JMJD1C: variants seen among roughly 807,000 people sequenced by gnomAD.
JMJD1C encodes jumonji domain-containing protein 1C.
Under a neutral mutation model 245.3 loss-of-function variants are expected in JMJD1C, and 31 were observed. The observed-to-expected ratio is 0.13, with a 90% CI of 0.09 to 0.17. The LOEUF is 0.17. Ranked by LOEUF, JMJD1C falls within the 10% of genes least tolerant of loss-of-function variation. The pLI is 1.00. For missense variants in JMJD1C, 2,691 were observed against 3,000.2 expected (o/e 0.90, Z 2.41); for synonymous variants, 1,057 against 1,017.4 (o/e 1.04, Z -0.74).
intron 1 of JMJD1C, among the ~76,000 whole-genome samples, chr10:63,403,207 C>T (rs973822186): frequency 2.0e-5 from 3 of 152,134 alleles, no homozygotes; most frequent in Admixed American, 1.3e-4. Flanking sequence ...AGTCATCCTA[C>T]CACTCAAATG....
intron 2 of JMJD1C, among the ~76,000 whole-genome samples, chr10:63,346,272 C>A (rs1564814919): frequency 6.6e-6 from 1 of 152,036 alleles, no homozygotes; most frequent in Non-Finnish European, 1.5e-5. Context: ...CTCTGAGTAG[C>A]TGAGAAGCAA....
At chr10:63,249,177 A>G (rs186755933) in intron 3 of JMJD1C, among the ~76,000 whole-genome samples, 1 of 152,180 alleles carries the variant, frequency 6.6e-6, no homozygotes, top group African/African-American at 2.4e-5. Flanking sequence ...TTAGCTGGAC[A>G]TGGTGGTAAG....
intron 2 of JMJD1C, among the ~76,000 whole-genome samples, chr10:63,347,444 G>C (rs1943945338): frequency 6.6e-6 from 1 of 151,642 alleles, no homozygotes; most frequent in Admixed American, 6.6e-5. Context: ...AATTAGCCAG[G>C]CATGGTGGCG....
chr10:63,203,918 A>G (rs2133113299), intron 10 of JMJD1C: 1 of 978,060 alleles, frequency 1.0e-6, no homozygotes. Flanking sequence ...GAAAATAGAC[A>G]TTATTTAATC....
chr10:63,508,934 G>A (rs916838056), intron 1 of JMJD1C, among the ~76,000 whole-genome samples: 2 of 151,826 alleles, frequency 1.3e-5, no homozygotes, highest in Non-Finnish European at 2.9e-5. Context: ...TCCATTTTTT[G>A]TCTTACTGCA....
chr10:63,168,698 A>AT (rs911951635), intron 24 of JMJD1C, 132 bp from the exon 25 acceptor site: 3 of 742,494 alleles, frequency 4.0e-6, no homozygotes, highest in Non-Finnish European at 5.9e-6. Context: ...CATCAAATGG[A>AT]TTTTAAAGCA....
chr10:63,353,848 CTGTT>C (rs773807168), intron 2 of JMJD1C, among the ~76,000 whole-genome samples: 15 of 149,124 alleles, frequency 1.0e-4, no homozygotes, highest in Admixed American at 2.0e-4. Flanking sequence ...CTTTTTTTGT[CTGTT>C]TGTTTTTGAG....
In JMJD1C at chr10:63,214,494, T is replaced by G; in HGVS notation, c.1673A>C (p.Lys558Thr). 2 of 1,614,032 alleles carry G rather than the reference T, an allele frequency of 1.2e-6. No individual in the cohort carries two copies. Among genetic ancestry groups the G allele is most frequent in the South Asian group, 2.2e-5 (2 of 91,058 alleles). Residue 558 changes from lysine (K) to threonine (T), a missense_variant, in exon 8 of 26, where the codon AAA becomes ACA. Coordinates refer to ENST00000399262, the MANE Select transcript of JMJD1C (RefSeq NM_032776.3). Reference protein sequence around the residue: ...IANAKFLETAKKDSDQSWVSD... With the variant: ...IANAKFLETATKDSDQSWVSD... ...GACCCAGCTCTGGTCAGAATCTTTT[T>G]TTGCTGTTTCCAAGAATTTTGCATT...
intron 2 of JMJD1C, among the ~76,000 whole-genome samples, chr10:63,324,605 A>AT (rs1369754575): frequency 6.6e-6 from 1 of 152,256 alleles, no homozygotes; most frequent in Non-Finnish European, 1.5e-5. Context: ...TAAGAACTTG[A>AT]TATGTGACAA....
rs536416650 is a variant in JMJD1C at position 63,494,081 on chromosome 10, C to A, written n.113+27657G>T. Among the ~76,000 whole-genome samples, 114 of 152,214 alleles carry A rather than the reference C, an allele frequency of 7.5e-4. 2 individuals are homozygous for A. In the South Asian group the frequency reaches 0.017, roughly 22 times the overall value. Reference sequence around the variant, plus strand: ...ATCCCAGCACTTTGGAAGGCCGAGGCGGGCGGATCACCTGAGGTCAGGAGA... The same window carrying A: ...ATCCCAGCACTTTGGAAGGCCGAGGAGGGCGGATCACCTGAGGTCAGGAGA... On this transcript the variant is annotated intron_variant and non_coding_transcript_variant, in intron 1 of 3. Coordinates refer to the JMJD1C transcript ENST00000633035.
intron 1 of JMJD1C, among the ~76,000 whole-genome samples, chr10:63,434,795 A>C (rs1188810574): frequency 6.6e-6 from 1 of 152,210 alleles, no homozygotes; most frequent in African/African-American, 2.4e-5. Context: ...AAACAAACTG[A>C]AAGAATGAGA....
intron 2 of JMJD1C, among the ~76,000 whole-genome samples, chr10:63,286,484 A>T (rs1306774060): frequency 6.6e-6 from 1 of 152,154 alleles, no homozygotes; most frequent in Non-Finnish European, 1.5e-5. Flanking sequence ...CAGAACTTAG[A>T]CCTTTTCTTA....
intron 15 of JMJD1C, 22 bp from the exon 16 acceptor site, chr10:63,193,173 A>G (rs762173893): frequency 6.3e-7 from 1 of 1,580,938 alleles, no homozygotes; most frequent in East Asian, 2.2e-5. Context: ...GAACAATTAC[A>G]TTTTTAAACA....
intron 24 of JMJD1C, among the ~76,000 whole-genome samples, chr10:63,173,221 T>C (rs974337978): frequency 6.6e-6 from 1 of 152,172 alleles, no homozygotes; most frequent in Non-Finnish European, 1.5e-5. Flanking sequence ...CAAATGCCCA[T>C]ATGCAAAAAA....
intron 2 of JMJD1C, among the ~76,000 whole-genome samples, chr10:63,372,204 G>C (rs531531332): frequency 6.6e-6 from 1 of 152,134 alleles, no homozygotes; most frequent in Non-Finnish European, 1.5e-5. Context: ...GAGTTTACGT[G>C]TTTATGATGT....
intron 13 of JMJD1C, chr10:63,194,683 G>T: frequency 4.2e-6 from 1 of 237,952 alleles, no homozygotes; most frequent in Non-Finnish European, 8.4e-6. Flanking sequence ...TATCTTTGTA[G>T]CTAATCTTCT....
In JMJD1C at chr10:63,214,313, T is replaced by G. The variant is rs998446145; in HGVS notation, c.1854A>C (p.Pro618=). Residue 618 remains proline, a synonymous_variant, in exon 8 of 26, where the codon CCA becomes CCC. Transcript: ENST00000399262. ...GTTTAGATTTTATAGTCTCTGGAGG[T>G]GGACTTCGCTTATGCAGCTTATCTT... ...VMEDKLHKRS[P]PPETIKSKLN... is the part of the protein sequence containing the mutation. 2 of 1,613,880 alleles carry G rather than the reference T, an allele frequency of 1.2e-6. No homozygotes were observed. The highest frequency in any genetic ancestry group is 4.5e-5 in the East Asian group (2 of 44,880).
Position 63,288,414 on chromosome 10 carries a change from C to T in JMJD1C, c.334-23650G>A, listed in dbSNP as rs545244758. ...CACATACTGAAGGACATCTTTGATGCTTCCAAGTTTTAGCAATTATGAATA... is the reference window on the plus strand; with the variant it reads ...CACATACTGAAGGACATCTTTGATGTTTCCAAGTTTTAGCAATTATGAATA... On this transcript the variant is annotated intron_variant, in intron 2 of 25. Transcript: ENST00000399262. Among the ~76,000 whole-genome samples, 6 of 152,292 alleles carry T rather than the reference C, an allele frequency of 3.9e-5. No individual in the cohort carries two copies. The South Asian group carries it at 1.0e-3, about 26-fold the overall frequency.
intron 2 of JMJD1C, among the ~76,000 whole-genome samples, chr10:63,359,361 G>A (rs1945132890): frequency 6.6e-6 from 1 of 152,216 alleles, no homozygotes; most frequent in South Asian, 2.1e-4. Flanking sequence ...ACGTTTTACA[G>A]AGAATTTATC....
Sources: allele counts gnomAD v4.1 joint callset (sites outside exome capture counted in the v4.1 genomes callset), GRCh38; gene constraint gnomAD v4.1.1; transcripts MANE v1.5; gene names NCBI Gene and HGNC (gene_info 2026-07-23, HGNC 2026-07-21).